FYCO1: variants seen among roughly 807,000 people sequenced by gnomAD.
The protein encoded by FYCO1 is FYVE and coiled-coil domain-containing protein 1.
Under a neutral mutation model 165.1 loss-of-function variants are expected in FYCO1, and 122 were observed. That is an observed-to-expected ratio of 0.74 (90% CI 0.64 to 0.86). FYCO1 has a LOEUF of 0.86. Among genes scored for constraint, FYCO1 ranks in the 40% least tolerant of loss-of-function variants. The pLI, the probability that FYCO1 is intolerant of heterozygous loss-of-function variation, is 0.00. For synonymous variants in FYCO1, 648 were observed against 742.5 expected (o/e 0.87, Z 2.07); for missense variants, 1,702 against 1,810.3 (o/e 0.94, Z 1.09).
intron 2 of FYCO1, among the ~76,000 whole-genome samples, chr3:45,982,683 T>A (rs1022359230): frequency 7.2e-5 from 11 of 152,222 alleles, no homozygotes; most frequent in Admixed American, 3.9e-4. Context: ...ATTCTTAAAT[T>A]CCTAAACCCT....
intron 1 of FYCO1, among the ~76,000 whole-genome samples, chr3:45,985,227 G>A (rs1363108218): frequency 1.3e-5 from 2 of 152,172 alleles, no homozygotes; most frequent in African/African-American, 4.8e-5. Context: ...ACAGTGACCT[G>A]GTTTGGGGCT....
At chr3:45,948,016 T>G (rs1704748855) in intron 14 of FYCO1, 1 of 171,186 alleles carries the variant, frequency 5.8e-6, no homozygotes, top group African/African-American at 2.4e-5. Context: ...GGGGCTTGAC[T>G]TTTGTATAGG....
intron 4 of FYCO1, among the ~76,000 whole-genome samples, chr3:45,977,396 TATATATATATAA>T (rs1706824608): frequency 1.6e-5 from 1 of 63,626 alleles, no homozygotes; most frequent in African/African-American, 5.1e-5. Context: ...TATATATATA[TATATATATATAA>T]AGGGAACTAT....
chr3:45,922,304 G>A lies in FYCO1; in HGVS notation c.4362-464C>T, dbSNP rs6772215. Among the ~76,000 whole-genome samples, 292 of 152,372 alleles carry A rather than the reference G, an allele frequency of 1.9e-3. 1 individual carries two copies. The highest frequency in any genetic ancestry group is 6.8e-3 in the African/African-American group (284 of 41,594). On this transcript the variant is annotated intron_variant, in intron 17 of 17. Coordinates refer to ENST00000296137, the MANE Select transcript of FYCO1 (RefSeq NM_024513.4). ...CCTCGATGGGCCAAGGCCAGAGTTT[G>A]TCACAGCACCATGGCCACCTCTAGG...
rs1315644703 is a variant in FYCO1 at position 45,966,984 on chromosome 3, C to T, written c.2350G>A (p.Glu784Lys). 1.2e-6 allele frequency: 2 copies of T among 1,613,190 alleles called. No homozygotes were observed. Among genetic ancestry groups the T allele is most frequent in the East Asian group, 2.2e-5 (1 of 44,880 alleles). Reference sequence around the variant, plus strand: ...ACCTGAGCCTGCAGCCGTTGGACCTCCCCCTGATGGACTTCCAGCTGCGCC... The same window carrying T: ...ACCTGAGCCTGCAGCCGTTGGACCTTCCCCTGATGGACTTCCAGCTGCGCC... ...SQAQLEVHQG[E>K]VQRLQAQVVD... is the part of the protein sequence containing the mutation. The change falls in exon 8 of 18, where the codon GAG (glutamate) becomes AAG (lysine). Residue 784 changes from glutamate to lysine, a missense_variant. Physicochemically the swap from Glu to Lys is moderately conservative, Grantham distance 56 (BLOSUM62 1). Transcript: ENST00000296137.
intron 11 of FYCO1, among the ~76,000 whole-genome samples, chr3:45,961,168 G>A (rs1705678600): frequency 1.3e-5 from 2 of 152,160 alleles, no homozygotes; most frequent in African/African-American, 4.8e-5. Context: ...TGATTAGAAC[G>A]ACCTGAAAAT....
At chr3:45,940,752 T>TC (rs1354105176) in intron 14 of FYCO1, among the ~76,000 whole-genome samples, 2 of 152,120 alleles carry the variant, frequency 1.3e-5, no homozygotes, top group African/African-American at 4.8e-5. Context: ...CCTCAGTCTC[T>TC]CCCTCTGCCT....
intron 13 of FYCO1, among the ~76,000 whole-genome samples, chr3:45,956,376 A>G (rs1271421402): frequency 2.1e-5 from 3 of 140,174 alleles, no homozygotes; most frequent in Admixed American, 7.5e-5. Context: ...AAATAAATAA[A>G]TAAATGAGTA....
At chr3:45,949,992 G>A (rs773634696) in intron 14 of FYCO1, among the ~76,000 whole-genome samples, 18 of 152,150 alleles carry the variant, frequency 1.2e-4, no homozygotes, top group African/African-American at 2.2e-4. Context: ...GGGCCTTCAC[G>A]TCTTGATCTC....
Position 45,968,718 on chromosome 3 carries a change from A to G in FYCO1, c.631-15T>C, listed in dbSNP as rs1706256153. 2 of 1,614,174 alleles carry G rather than the reference A, an allele frequency of 1.2e-6. No homozygotes were observed. The highest frequency in any genetic ancestry group is 1.7e-6 in the Non-Finnish European group (2 of 1,180,028). On this transcript the variant is annotated splice_polypyrimidine_tract_variant and intron_variant, in intron 7 of 17. Transcript: ENST00000296137. ...ATCTCTTGAGTCTGGGAGGGAAAAC[A>G]CAAAAGACAAGTGGCTTTAGGATGA...
intron 6 of FYCO1, among the ~76,000 whole-genome samples, chr3:45,970,644 C>T (rs949127475): frequency 8.5e-5 from 13 of 152,090 alleles, no homozygotes; most frequent in Non-Finnish European, 1.5e-4. Context: ...GTCTCTGTCA[C>T]TCAACTGGCA....
At chr3:45,924,452 G>GGGT (rs1257231883) in intron 16 of FYCO1, among the ~76,000 whole-genome samples, 1 of 152,138 alleles carries the variant, frequency 6.6e-6, no homozygotes, top group Admixed American at 6.5e-5. Context: ...TCTGTGCAAA[G>GGGT]GGTGTGTGCT....
intron 5 of FYCO1, among the ~76,000 whole-genome samples, chr3:45,974,204 C>A (rs763949349): frequency 8.5e-5 from 13 of 152,166 alleles, no homozygotes; most frequent in Non-Finnish European, 1.6e-4. Context: ...CATAGTGAGA[C>A]CCTGTCTATA....
intron 14 of FYCO1, among the ~76,000 whole-genome samples, chr3:45,952,303 G>T (rs113068062): frequency 1.3e-5 from 2 of 151,880 alleles, no homozygotes; most frequent in African/African-American, 4.8e-5. Flanking sequence ...ATTTTTTCCC[G>T]AAGTTTCTTG....
intron 3 of FYCO1, among the ~76,000 whole-genome samples, chr3:45,980,356 A>G (rs1037981415): frequency 5.2e-4 from 79 of 150,622 alleles, no homozygotes; most frequent in Non-Finnish European, 1.1e-3. Context: ...TCTCAAAGAA[A>G]AAAAAAAAAA....
intron 14 of FYCO1, among the ~76,000 whole-genome samples, chr3:45,942,159 AG>A (rs1160938496): frequency 6.6e-6 from 1 of 152,234 alleles, no homozygotes; most frequent in African/African-American, 2.4e-5. Context: ...ATCTTTTATC[AG>A]GGCCCCCTGG....
chr3:45,933,808 GA>G (rs1703751691), intron 15 of FYCO1, among the ~76,000 whole-genome samples: 1 of 152,126 alleles, frequency 6.6e-6, no homozygotes. Flanking sequence ...AGCCGACACT[GA>G]CATCAACCAG....
At chr3:45,953,602 T>C (rs763650378) in intron 14 of FYCO1, among the ~76,000 whole-genome samples, 3 of 152,196 alleles carry the variant, frequency 2.0e-5, no homozygotes, top group Non-Finnish European at 4.4e-5. Context: ...CAAGGGAGAA[T>C]AAGTACTTAA....
chr3:45,950,250 G>A (rs1412108995), intron 14 of FYCO1, among the ~76,000 whole-genome samples: 1 of 151,534 alleles, frequency 6.6e-6, no homozygotes, highest in Non-Finnish European at 1.5e-5. Flanking sequence ...CTCAGGGTTG[G>A]AGGGTAAAGG....
Sources: gnomAD v4.1 joint callset for allele counts (sites outside exome capture counted in the v4.1 genomes callset) on GRCh38, gnomAD v4.1.1 for gene constraint, MANE v1.5 for transcripts, NCBI Gene and HGNC (gene_info 2026-07-23, HGNC 2026-07-21) for gene names.